The following MNS1 variants were observed in gnomAD, a reference collection of about 807,000 sequenced individuals.
MNS1 encodes the protein meiosis-specific nuclear structural protein 1.
In MNS1, 63 loss-of-function variants were observed where a neutral mutation model predicts 72.0. That is an observed-to-expected ratio of 0.87 (90% confidence interval 0.71 to 1.08). The LOEUF is 1.08. MNS1 is among the 50% of genes least tolerant of loss of function. MNS1 has a pLI of 0.00. For synonymous variants in MNS1, 188 were observed against 172.1 expected (o/e 1.09, Z -0.72); for missense variants, 604 against 562.4 (o/e 1.07, Z -0.75).
intron 2 of MNS1, among the ~76,000 whole-genome samples, chr15:56,458,232 T>C (rs554825284): frequency 1.2e-4 from 19 of 152,222 alleles, no homozygotes; most frequent in Non-Finnish European, 2.8e-4. Flanking sequence ...AATTCAGTGA[T>C]GTTGTATATT....
intron 9 of MNS1, among the ~76,000 whole-genome samples, chr15:56,430,595 T>C (rs1227925256): frequency 6.6e-6 from 1 of 152,226 alleles, no homozygotes; most frequent in Non-Finnish European, 1.5e-5. Context: ...GTTTAACTAG[T>C]TATAACTTCC....
intron 1 of MNS1, 33 bp from the exon 2 acceptor site, chr15:56,464,280 T>G: frequency 6.9e-7 from 1 of 1,447,600 alleles, no homozygotes; most frequent in Non-Finnish European, 9.4e-7. Flanking sequence ...ATGCATATTT[T>G]GATATTCCAA....
At chr15:56,441,556 A>G (rs183174026) in intron 7 of MNS1, among the ~76,000 whole-genome samples, 2 of 152,338 alleles carry the variant, frequency 1.3e-5, no homozygotes, top group East Asian at 3.9e-4. Context: ...AAAATTGACA[A>G]GTGGGACCTA....
In MNS1 at chr15:56,431,407, T is replaced by C. The variant is rs1337512634; in HGVS notation, c.1361A>G (p.Glu454Gly). The C allele has an allele frequency of 6.2e-7, 1 of 1,613,386 alleles. No individual in the cohort carries two copies. The highest frequency in any genetic ancestry group is 8.5e-7 in the Non-Finnish European group (1 of 1,179,886). Residue 454 changes from glutamate to glycine, a missense_variant, in exon 9 of 10, where the codon GAG becomes GGG. Glu to Gly is a moderately conservative substitution (Grantham distance 98, BLOSUM62 -2). Coordinates refer to ENST00000260453, the MANE Select transcript of MNS1 (RefSeq NM_018365.4). ...ATAGCCTAGTAAGTTTGTAGCATGC[T>C]CTTTAAGAAGTTTTAGCCTTTCTTC... Reference protein sequence around the residue: ...IEEERLKLLKEHATNLLGYLP... With the variant: ...IEEERLKLLKGHATNLLGYLP...
chr15:56,439,136 A>C (rs2050777740), intron 7 of MNS1, among the ~76,000 whole-genome samples: 1 of 152,198 alleles, frequency 6.6e-6, no homozygotes. Flanking sequence ...TTCACTAGCA[A>C]CGAGTACACG....
At chr15:56,439,980 C>A (rs1453661892) in intron 7 of MNS1, among the ~76,000 whole-genome samples, 2 of 151,976 alleles carry the variant, frequency 1.3e-5, no homozygotes. Flanking sequence ...GATAAAGCTA[C>A]AGACTAGAAG....
Position 56,434,221 on chromosome 15 carries a change from T to G in MNS1, c.1186A>C (p.Lys396Gln). ...TGTTCCAGCTGCTTCATTCTTTGTT[T>G]CTGAGCATTCATTAATTCTATTCGA... ...DDRIELMNAQKQRMKQLEHRR... is the reference protein window; with the variant it reads ...DDRIELMNAQQQRMKQLEHRR... Residue 396 changes from lysine to glutamine, a missense_variant, in exon 8 of 10, where the codon AAA becomes CAA. By Grantham distance (53) the Lys-to-Gln change is moderately conservative (BLOSUM62 1). Transcript: ENST00000260453. 4 of 1,613,990 alleles carry G rather than the reference T, an allele frequency of 2.5e-6. No individual in the cohort carries two copies. The highest frequency in any genetic ancestry group is 3.4e-6 in the Non-Finnish European group (4 of 1,179,922).
intron 3 of MNS1, chr15:56,447,240 A>G (rs2050912566): frequency 5.2e-6 from 1 of 191,056 alleles, no homozygotes; most frequent in Non-Finnish European, 1.1e-5. Flanking sequence ...CATATCATGG[A>G]TAAGTCTCCA....
In MNS1 at chr15:56,429,211, T is replaced by C. The variant is rs369458859; in HGVS notation, c.1396-18A>G. 6.6e-5 allele frequency: 100 copies of C among 1,509,652 alleles called. No individual in the cohort carries two copies. The highest frequency in any genetic ancestry group is 1.1e-4 in the African/African-American group (8 of 71,216). 93.5% of individuals were successfully genotyped at this position (1,509,652 alleles called of 1,614,324 possible). ...AATACTCCCTACGAGAAAAATACTT[T>C]GTGGGTTACTTTTGAATACCAGAAT... On this transcript the variant is annotated intron_variant, in intron 9 of 9. Coordinates refer to ENST00000260453, the MANE Select transcript of MNS1 (RefSeq NM_018365.4).
chr15:56,460,009 A>ATATATAT lies in MNS1; in HGVS notation c.226-3489_226-3488insATATATA, dbSNP rs1555449667. ...CTGTCTCAAAAAAAAAAAAAAAAAA[A>ATATATAT]ATACATATATATATATATATATATA... is the stretch of plus-strand genomic sequence containing the variant. On this transcript the variant is annotated intron_variant, in intron 2 of 9. Transcript: ENST00000260453. Among the ~76,000 whole-genome samples the ATATATAT allele has an allele frequency of 1.6e-3, 43 of 26,384 alleles. 5 individuals carry two copies. The highest frequency in any genetic ancestry group is 5.9e-3 in the African/African-American group (39 of 6,652). 17.3% of individuals were successfully genotyped at this position (26,384 alleles called of 152,430 possible).
chr15:56,460,200 T>G (rs2051011789), intron 2 of MNS1, among the ~76,000 whole-genome samples: 1 of 150,994 alleles, frequency 6.6e-6, no homozygotes, highest in Admixed American at 6.6e-5. Flanking sequence ...ATAAGGTCAG[T>G]ATACATATTA....
In MNS1 at chr15:56,443,875, C is replaced by G. The variant is rs576710298; in HGVS notation, c.687-21G>C. 14 of 1,529,228 alleles carry G rather than the reference C, an allele frequency of 9.2e-6. No individual in the cohort carries two copies. The African/African-American group carries it at 1.7e-4, about 18-fold the overall frequency. The allele number at this position is 1,529,228 out of a possible 1,614,324, so 94.7% of individuals were successfully genotyped here. A position where few individuals can be genotyped will look rare whatever the true frequency, so the allele number is the denominator to read the frequency against. ...TTTCCCTGAAAAGCAATAACAAGTA[C>G]AGATTTATAGTAAACAATAAAATAT... On this transcript the variant is annotated intron_variant, in intron 5 of 9. Coordinates refer to ENST00000260453, the MANE Select transcript of MNS1 (RefSeq NM_018365.4).
At chr15:56,455,122 TA>T (rs1289089991) in intron 3 of MNS1, among the ~76,000 whole-genome samples, 1 of 152,056 alleles carries the variant, frequency 6.6e-6, no homozygotes, top group Non-Finnish European at 1.5e-5. Context: ...ATGCTTTTCC[TA>T]GACTTTTTCT....
At chr15:56,453,378 TTTTTGTTTCTCAGAAAATGTTA>T (rs1475135240) in intron 3 of MNS1, among the ~76,000 whole-genome samples, 1 of 152,164 alleles carries the variant, frequency 6.6e-6, no homozygotes, top group Non-Finnish European at 1.5e-5. Context: ...CAATCTTCTG[TTTTTGTTTCTCAGAAAATGTTA>T]TTTTGTGCTC....
At chr15:56,463,267 C>T (rs555271736) in intron 2 of MNS1, among the ~76,000 whole-genome samples, 39 of 151,944 alleles carry the variant, frequency 2.6e-4, no homozygotes, top group African/African-American at 9.2e-4. Flanking sequence ...TTAAAGGCAC[C>T]CCTAAATTTT....
chr15:56,437,504 A>G (rs1226502966), intron 7 of MNS1, among the ~76,000 whole-genome samples: 3 of 152,212 alleles, frequency 2.0e-5, no homozygotes, highest in African/African-American at 7.2e-5. Flanking sequence ...CCCACAGCCA[A>G]TATCATACTG....
chr15:56,460,017 T>TATATATATATATAC (rs1258282380), intron 2 of MNS1, among the ~76,000 whole-genome samples: 2 of 34,754 alleles, frequency 5.8e-5, no homozygotes, highest in African/African-American at 2.1e-4. Flanking sequence ...AAAATACATA[T>TATATATATATATAC]ATATATATAT....
chr15:56,431,299 C>G (rs1321930675), intron 9 of MNS1, 74 bp downstream of exon 9: 78 of 1,553,748 alleles, frequency 5.0e-5, no homozygotes, highest in Non-Finnish European at 6.5e-5. Context: ...CCAAGGCACT[C>G]TAAAATCCAA....
intron 2 of MNS1, 60 bp downstream of exon 2, chr15:56,463,966 C>A (rs1056209076): frequency 2.9e-6 from 4 of 1,364,480 alleles, no homozygotes; most frequent in East Asian, 2.3e-5. Context: ...TAACAGCTGA[C>A]TTTCATCGTT....
Sources: gnomAD v4.1 joint callset for allele counts (sites outside exome capture counted in the v4.1 genomes callset) on GRCh38, gnomAD v4.1.1 for gene constraint, MANE v1.5 for transcripts, NCBI Gene and HGNC (gene_info 2026-07-23, HGNC 2026-07-21) for gene names.